Variants in TEX36 observed in about 807,000 individuals in gnomAD.
TEX36 encodes the protein testis-expressed protein 36.
In TEX36, 12 loss-of-function variants were observed where a neutral mutation model predicts 13.6. That is an observed-to-expected ratio of 0.88 (90% CI 0.56 to 1.43). The LOEUF (loss-of-function observed/expected upper bound fraction) is 1.43. Ranked by LOEUF, TEX36 falls within the 40% of genes most tolerant of loss-of-function variation. The pLI, the probability that TEX36 is intolerant of heterozygous loss-of-function variation, is 0.00. For missense variants in TEX36, 224 were observed against 228.3 expected (o/e 0.98, Z 0.12); for synonymous variants, 93 against 83.0 (o/e 1.12, Z -0.65).
At chr10:125,592,501 C>T (rs1030828628) in intron 3 of TEX36, among the ~76,000 whole-genome samples, 1 of 152,210 alleles carries the variant, frequency 6.6e-6, no homozygotes, top group Admixed American at 6.5e-5. Flanking sequence ...CTTTCTTACA[C>T]AGTCACTCAA....
chr10:125,579,087 G>T (rs887083545), intron 3 of TEX36, among the ~76,000 whole-genome samples: 3 of 152,182 alleles, frequency 2.0e-5, no homozygotes, highest in African/African-American at 4.8e-5. Context: ...GCCTTCCTTG[G>T]TGAGGCTTCC....
At chr10:125,641,665 G>T (rs1661938923) in intron 3 of TEX36, among the ~76,000 whole-genome samples, 1 of 152,122 alleles carries the variant, frequency 6.6e-6, no homozygotes, top group Non-Finnish European at 1.5e-5. Context: ...AGTAAGTTGG[G>T]GTTTCTTTAA....
At chr10:125,624,679 GAAA>G (rs199732825) in intron 3 of TEX36, among the ~76,000 whole-genome samples, 1 of 116,402 alleles carries the variant, frequency 8.6e-6, no homozygotes, top group South Asian at 2.8e-4. Flanking sequence ...TAATTCTACA[GAAA>G]AAAAAAAAAA....
chr10:125,587,021 A>C (rs1182363600), intron 3 of TEX36, among the ~76,000 whole-genome samples: 1 of 151,630 alleles, frequency 6.6e-6, no homozygotes, highest in Non-Finnish European at 1.5e-5. Context: ...TCCTCTCTCT[A>C]TTTTCCTGTG....
At chr10:125,582,108 C>A (rs759334907) in intron 3 of TEX36, among the ~76,000 whole-genome samples, 1 of 152,168 alleles carries the variant, frequency 6.6e-6, no homozygotes, top group African/African-American at 2.4e-5. Flanking sequence ...CATGGCAAGG[C>A]CAAGGGAGTG....
intron 3 of TEX36, among the ~76,000 whole-genome samples, chr10:125,650,313 C>T (rs978396376): frequency 1.3e-5 from 2 of 152,184 alleles, no homozygotes; most frequent in Non-Finnish European, 2.9e-5. Context: ...GACCACAGTG[C>T]AATCAAACTA....
At chr10:125,643,982 C>T (rs1176044945) in intron 3 of TEX36, among the ~76,000 whole-genome samples, 1 of 152,054 alleles carries the variant, frequency 6.6e-6, no homozygotes, top group Non-Finnish European at 1.5e-5. Context: ...AACCAAGTCA[C>T]AAAATGTTTG....
rs1056257762 is a variant in TEX36, at chr10:125,670,784, A to T, written c.52-8807T>A. ...TAATTGTTGCATAAGGAAGGGGTCC[A>T]GTTTCAATTTTCTGCATATTACTAG... On this transcript the variant is annotated intron_variant, in intron 1 of 3. Coordinates refer to ENST00000368821, the MANE Select transcript of TEX36 (RefSeq NM_001128202.3). Among the ~76,000 whole-genome samples the T allele has an allele frequency of 3.9e-5, 6 of 152,136 alleles. No individual in the cohort carries two copies. In the East Asian group the frequency reaches 1.2e-3, roughly 29 times the overall value.
chr10:125,635,713 A>G (rs1846615586), intron 3 of TEX36, among the ~76,000 whole-genome samples: 1 of 152,024 alleles, frequency 6.6e-6, no homozygotes, highest in Non-Finnish European at 1.5e-5. Context: ...GCTTTCTCAC[A>G]GTTTCTCCTG....
intron 3 of TEX36, among the ~76,000 whole-genome samples, chr10:125,584,068 C>T (rs1450400066): frequency 6.6e-6 from 1 of 152,198 alleles, no homozygotes; most frequent in Non-Finnish European, 1.5e-5. Context: ...CGAGCTGCTG[C>T]CACTATGCAA....
At chr10:125,610,192 A>G (rs974840235) in intron 3 of TEX36, among the ~76,000 whole-genome samples, 8 of 152,332 alleles carry the variant, frequency 5.3e-5, no homozygotes, top group Non-Finnish European at 7.3e-5. Flanking sequence ...ATGATCAAGA[A>G]ATAACCATAA....
chr10:125,662,145 A>G (rs1378720200), intron 1 of TEX36, among the ~76,000 whole-genome samples, 168 bp from the exon 2 acceptor site: 1 of 152,248 alleles, frequency 6.6e-6, no homozygotes, highest in Non-Finnish European at 1.5e-5. Context: ...AAGACAAAAA[A>G]CATTGTAATG....
chr10:125,618,942 T>TAAAAA (rs11452140), downstream of TEX36, among the ~76,000 whole-genome samples: 29 of 43,570 alleles, frequency 6.7e-4, no homozygotes, highest in African/African-American at 2.4e-3. Context: ...CCGTCTCTAC[T>TAAAAA]AAAAAAAAAA....
intron 3 of TEX36, among the ~76,000 whole-genome samples, chr10:125,608,171 G>C (rs969361840): frequency 6.6e-6 from 1 of 152,310 alleles, no homozygotes; most frequent in African/African-American, 2.4e-5. Context: ...TCACAATAAA[G>C]AGAAAGGAGG....
chr10:125,633,956 C>A (rs1035240430), intron 3 of TEX36, among the ~76,000 whole-genome samples: 31 of 152,230 alleles, frequency 2.0e-4, no homozygotes, highest in Admixed American at 1.8e-3. Context: ...GTACCCACCC[C>A]TCTGCCTCTA....
At chr10:125,576,771 T>G (rs1282681684) in exon 4 of TEX36, 5 of 1,535,366 alleles carry the variant, frequency 3.3e-6, no homozygotes, top group Non-Finnish European at 4.4e-6. Context: ...GAGGGGTGCA[T>G]TAGTTCTCAG....
intron 3 of TEX36, among the ~76,000 whole-genome samples, chr10:125,633,201 T>C (rs1846580737): frequency 6.6e-6 from 1 of 152,230 alleles, no homozygotes; most frequent in Admixed American, 6.5e-5. Flanking sequence ...GAAAATTCCC[T>C]AAAGACGGTT....
chr10:125,645,960 A>G (rs1846761920), intron 3 of TEX36, among the ~76,000 whole-genome samples: 1 of 152,256 alleles, frequency 6.6e-6, no homozygotes, highest in South Asian at 2.1e-4. Context: ...GCAGAAATTA[A>G]TTAATAAAAT....
chr10:125,626,516 G>C (rs1183423860), intron 3 of TEX36, among the ~76,000 whole-genome samples: 1 of 152,204 alleles, frequency 6.6e-6, no homozygotes, highest in Non-Finnish European at 1.5e-5. Context: ...CATCGTGAAT[G>C]CTTGCTCCAC....
Sources: allele counts gnomAD v4.1 joint callset (sites outside exome capture counted in the v4.1 genomes callset), GRCh38; gene constraint gnomAD v4.1.1; transcripts MANE v1.5; gene names NCBI Gene and HGNC (gene_info 2026-07-23, HGNC 2026-07-21).